The following CMTM7 variants were observed in gnomAD, a reference collection of about 807,000 sequenced individuals.
CMTM7 encodes CKLF like MARVEL transmembrane domain containing 7.
CMTM7 carries 7 observed loss-of-function variants against 19.3 expected under a neutral mutation model. That is an observed-to-expected ratio of 0.36 (90% CI 0.21 to 0.68). The LOEUF is 0.68. Among genes scored for constraint, CMTM7 ranks in the 30% least tolerant of loss-of-function variants. The pLI is 0.60. For missense variants in CMTM7, 193 were observed against 232.6 expected (o/e 0.83, Z 1.11); for synonymous variants, 87 against 99.3 (o/e 0.88, Z 0.74).
chr3:32,414,210 CAGGGA>C (rs768074876), intron 1 of CMTM7, among the ~76,000 whole-genome samples: 16 of 152,142 alleles, frequency 1.1e-4, no homozygotes, highest in Non-Finnish European at 1.9e-4. Context: ...AGTCTATTTC[CAGGGA>C]ATTCCACCAC....
At chr3:32,415,312 A>T (rs1275608046) in intron 1 of CMTM7, among the ~76,000 whole-genome samples, 3 of 152,212 alleles carry the variant, frequency 2.0e-5, no homozygotes, top group African/African-American at 7.2e-5. Context: ...TGACTTTCTC[A>T]CTGCCATACA....
intron 1 of CMTM7, among the ~76,000 whole-genome samples, chr3:32,397,483 C>T (rs1015099680): frequency 3.3e-5 from 5 of 152,014 alleles, no homozygotes; most frequent in African/African-American, 1.2e-4. Context: ...GCCTGTAATC[C>T]CAGCACTTTG....
chr3:32,396,642 A>T (rs2343144), intron 1 of CMTM7, among the ~76,000 whole-genome samples: 30,356 of 151,988 alleles, frequency 0.2, 3,693 homozygotes, highest in African/African-American at 0.33. Context: ...CCTGTGGATG[A>T]GTGTGAGGGG....
intron 1 of CMTM7, among the ~76,000 whole-genome samples, chr3:32,429,296 ATT>A (rs35500364): frequency 1.1e-4 from 16 of 139,888 alleles, no homozygotes; most frequent in Admixed American, 2.1e-4. Context: ...TGAGTAGTGT[ATT>A]TTTTTTTTTT....
At chr3:32,401,770 T>A (rs1575108584) in intron 1 of CMTM7, among the ~76,000 whole-genome samples, 1 of 152,158 alleles carries the variant, frequency 6.6e-6, no homozygotes, top group East Asian at 1.9e-4. Context: ...TCGCTGCTCA[T>A]TCCCTGGCAG....
intron 1 of CMTM7, among the ~76,000 whole-genome samples, chr3:32,438,846 T>G (rs1188883522): frequency 1.1e-4 from 17 of 152,196 alleles, no homozygotes; most frequent in Non-Finnish European, 8.8e-5. Context: ...TCCACATCCC[T>G]GTGTCACCAT....
At chr3:32,441,373 G>A (rs1346899988) in intron 1 of CMTM7, among the ~76,000 whole-genome samples, 1 of 152,204 alleles carries the variant, frequency 6.6e-6, no homozygotes, top group Admixed American at 6.5e-5. Flanking sequence ...TTATCTGTCA[G>A]TTGATAGCTG....
chr3:32,443,273 G>GTT (rs112194509), intron 2 of CMTM7, among the ~76,000 whole-genome samples: 1 of 144,752 alleles, frequency 6.9e-6, no homozygotes, highest in Admixed American at 6.9e-5. Context: ...TAATTTTTGT[G>GTT]TTTTTTTTTT....
Position 32,455,517 on chromosome 3 carries a change from G to A in CMTM7, c.*1263G>A, listed in dbSNP as rs1018803964. 2 of 152,314 alleles carry A rather than the reference G, an allele frequency of 1.3e-5. No homozygotes were observed. Among genetic ancestry groups the A allele is most frequent in the Non-Finnish European group, 2.9e-5 (2 of 68,150 alleles). The allele number at this position is 152,314 out of a possible 1,614,324, so 9.4% of individuals were successfully genotyped here. On this transcript the variant is annotated 3_prime_UTR_variant, in exon 5 of 5. Transcript: ENST00000334983. ...CAGCTCGGGGCATCGGGTTCTGTCTGGGATGATCTAAGGAAGCAGCACCCG... is the reference window on the plus strand; with the variant it reads ...CAGCTCGGGGCATCGGGTTCTGTCTAGGATGATCTAAGGAAGCAGCACCCG...
intron 1 of CMTM7, among the ~76,000 whole-genome samples, chr3:32,434,300 A>G (rs1696562982): frequency 6.6e-6 from 1 of 152,006 alleles, no homozygotes; most frequent in Non-Finnish European, 1.5e-5. Flanking sequence ...GTAGGGGACT[A>G]TTTTACTTAT....
intron 1 of CMTM7, among the ~76,000 whole-genome samples, chr3:32,426,257 A>T (rs1180733827): frequency 6.6e-6 from 1 of 152,186 alleles, no homozygotes; most frequent in Non-Finnish European, 1.5e-5. Context: ...CAGTTAACAC[A>T]CCAGGCACTT....
chr3:32,428,849 C>T (rs937326048), intron 1 of CMTM7, among the ~76,000 whole-genome samples: 1 of 152,166 alleles, frequency 6.6e-6, no homozygotes, highest in African/African-American at 2.4e-5. Flanking sequence ...ACCTGAGAGT[C>T]GTGGAAAGCC....
At position 32,431,314 on chromosome 3, in the gene CMTM7, G is replaced by T. The variant is rs566426131; in HGVS notation, c.160-10526G>T. Reference sequence around the variant, plus strand: ...CAGGGGAGGTGGTTATCTCTGAGGAGTAGCATTATGGGTAATTTTTGTTTT... The same window carrying T: ...CAGGGGAGGTGGTTATCTCTGAGGATTAGCATTATGGGTAATTTTTGTTTT... On this transcript the variant is annotated intron_variant, in intron 1 of 4. Transcript: ENST00000334983. Among the ~76,000 whole-genome samples the T allele has an allele frequency of 2.6e-5, 4 of 152,320 alleles. No homozygotes were observed. In the South Asian group the frequency reaches 8.3e-4, roughly 32 times the overall value.
At chr3:32,406,741 A>C (rs1696096894) in intron 1 of CMTM7, among the ~76,000 whole-genome samples, 1 of 152,206 alleles carries the variant, frequency 6.6e-6, no homozygotes, top group Non-Finnish European at 1.5e-5. Flanking sequence ...TGAGCGAGGA[A>C]AGTAAGCAAG....
chr3:32,409,071 C>T (rs927741560), intron 1 of CMTM7, among the ~76,000 whole-genome samples: 2 of 151,888 alleles, frequency 1.3e-5, no homozygotes, highest in African/African-American at 2.4e-5. Context: ...TTAATAGAGG[C>T]GGGGTTTCTC....
At chr3:32,413,598 A>G (rs1049485709) in intron 1 of CMTM7, among the ~76,000 whole-genome samples, 1 of 152,096 alleles carries the variant, frequency 6.6e-6, no homozygotes, top group Non-Finnish European at 1.5e-5. Flanking sequence ...AGATTTTTTT[A>G]TTAGTGCAAC....
chr3:32,393,376 A>T (rs1161906063), intron 1 of CMTM7, among the ~76,000 whole-genome samples: 2 of 152,192 alleles, frequency 1.3e-5, no homozygotes, highest in African/African-American at 4.8e-5. Context: ...AAGAGATTTG[A>T]TCAGCCAAAT....
At chr3:32,405,941 C>G (rs745966969) in intron 1 of CMTM7, among the ~76,000 whole-genome samples, 3 of 152,156 alleles carry the variant, frequency 2.0e-5, no homozygotes, top group Admixed American at 6.5e-5. Context: ...AACGTTTACA[C>G]GATCAAGATT....
At chr3:32,400,006 A>C (rs958824619) in intron 1 of CMTM7, among the ~76,000 whole-genome samples, 1 of 152,164 alleles carries the variant, frequency 6.6e-6, no homozygotes, top group Non-Finnish European at 1.5e-5. Context: ...GTAGATACAC[A>C]TAATTTTGGT....
Sources: gnomAD v4.1 joint callset for allele counts (sites outside exome capture counted in the v4.1 genomes callset) on GRCh38, gnomAD v4.1.1 for gene constraint, MANE v1.5 for transcripts, NCBI Gene and HGNC (gene_info 2026-07-23, HGNC 2026-07-21) for gene names.